The following MAP2 variants were observed in gnomAD, a reference collection of about 807,000 sequenced individuals.
MAP2 encodes the protein microtubule associated protein 2.
A neutral mutation model predicts 137.6 loss-of-function variants in MAP2; 14 were observed. The observed-to-expected ratio is 0.10, with a 90% confidence interval of 0.07 to 0.16. The LOEUF is 0.16. Ranked by LOEUF, MAP2 falls within the 10% of genes least tolerant of loss-of-function variation. MAP2 has a pLI of 1.00. For synonymous variants in MAP2, 786 were observed against 782.3 expected, an observed-to-expected ratio of 1.00 and a Z score of -0.08; for missense variants, 2,088 against 2,191.5, an observed-to-expected ratio of 0.95 and a Z score of 0.94.
intron 13 of MAP2, among the ~76,000 whole-genome samples, chr2:209,716,494 C>A (rs2067675348): frequency 6.6e-6 from 1 of 152,204 alleles, no homozygotes; most frequent in South Asian, 2.1e-4. Flanking sequence ...TGGCCCAACA[C>A]AAATTCATAA....
intron 1 of MAP2, among the ~76,000 whole-genome samples, chr2:209,486,225 T>C (rs181345274): frequency 7.5e-6 from 1 of 132,472 alleles, no homozygotes; most frequent in African/African-American, 2.5e-5. Context: ...TTCTATTTGC[T>C]TGGGAAATCT....
At chr2:209,574,439 A>ACG (rs2074971247) in intron 2 of MAP2, among the ~76,000 whole-genome samples, 1 of 151,162 alleles carries the variant, frequency 6.6e-6, no homozygotes, top group South Asian at 2.1e-4. Context: ...AGATACACAC[A>ACG]CACACACACA....
intron 2 of MAP2, among the ~76,000 whole-genome samples, chr2:209,566,796 A>G (rs1417315281): frequency 1.3e-5 from 2 of 152,072 alleles, no homozygotes; most frequent in African/African-American, 2.4e-5. Flanking sequence ...CTTTTAACTC[A>G]TGAGTGTCAG....
intron 12 of MAP2, among the ~76,000 whole-genome samples, chr2:209,707,560 T>C (rs74535383): frequency 6.6e-6 from 1 of 151,306 alleles, no homozygotes; most frequent in African/African-American, 2.4e-5. Flanking sequence ...CCATTGTCAT[T>C]GAGGAGTTGA....
At chr2:209,487,487 A>G (rs1576013021) in intron 1 of MAP2, among the ~76,000 whole-genome samples, 2 of 152,308 alleles carry the variant, frequency 1.3e-5, no homozygotes, top group East Asian at 1.9e-4. Context: ...AAGCACCCCA[A>G]TGTTAGACAC....
Position 209,471,905 on chromosome 2 carries a change from A to G in MAP2, c.-221-35687A>G, listed in dbSNP as rs76597055. 3.2e-4 allele frequency among the ~76,000 whole-genome samples: 49 copies of G among 152,166 alleles called. No individual in the cohort carries two copies. The East Asian group carries it at 7.9e-3, about 25-fold the overall frequency. The stretch of plus-strand genomic sequence containing the variant: ...TAAGGACATGAAAATGAGATATTGT[A>G]TTTTTGCTGCTGTGTTGAAAAGATA... On this transcript the variant is annotated intron_variant, in intron 1 of 15. Coordinates refer to ENST00000682079, the MANE Select transcript of MAP2 (RefSeq NM_001375505.1).
chr2:209,485,443 T>C (rs140337950), intron 1 of MAP2, among the ~76,000 whole-genome samples: 1 of 152,332 alleles, frequency 6.6e-6, no homozygotes, highest in Non-Finnish European at 1.5e-5. Context: ...AAACACTTTA[T>C]TGAATGAGGA....
intron 3 of MAP2, among the ~76,000 whole-genome samples, chr2:209,598,099 A>G (rs2081833832): frequency 6.6e-6 from 1 of 151,950 alleles, no homozygotes; most frequent in South Asian, 2.1e-4. Context: ...TCTGCCTCCC[A>G]GGTTCAAGTG....
intron 3 of MAP2, among the ~76,000 whole-genome samples, chr2:209,607,163 A>T (rs559772206): frequency 4.6e-5 from 7 of 152,338 alleles, no homozygotes; most frequent in African/African-American, 1.7e-4. Flanking sequence ...CTTGGGAACC[A>T]TATAACCATT....
At chr2:209,594,582 T>C (rs1187648940) in intron 3 of MAP2, among the ~76,000 whole-genome samples, 3 of 152,184 alleles carry the variant, frequency 2.0e-5, no homozygotes, top group Non-Finnish European at 4.4e-5. Context: ...AAATTTCTCC[T>C]AGGGTTACAC....
At chr2:209,707,025 G>C (rs946152705) in intron 12 of MAP2, among the ~76,000 whole-genome samples, 3 of 152,086 alleles carry the variant, frequency 2.0e-5, no homozygotes, top group Non-Finnish European at 4.4e-5. Context: ...CCAGGGAAGA[G>C]ACTTTAAATC....
chr2:209,560,405 A>T (rs2071743469), intron 2 of MAP2, among the ~76,000 whole-genome samples: 1 of 152,144 alleles, frequency 6.6e-6, no homozygotes, highest in Admixed American at 6.5e-5. Flanking sequence ...GCAAACATAT[A>T]ACTTCTTTTA....
At chr2:209,712,589 T>C (rs2065871347) in intron 13 of MAP2, among the ~76,000 whole-genome samples, 1 of 152,144 alleles carries the variant, frequency 6.6e-6, no homozygotes, top group Non-Finnish European at 1.5e-5. Flanking sequence ...ATAGATGGTA[T>C]AAATTCACTT....
chr2:209,461,068 G>C (rs940672570), intron 1 of MAP2, among the ~76,000 whole-genome samples: 2 of 151,984 alleles, frequency 1.3e-5, no homozygotes, highest in African/African-American at 4.8e-5. Context: ...AAACTTTGAA[G>C]ATATAAACTT....
intron 1 of MAP2, among the ~76,000 whole-genome samples, chr2:209,427,639 C>CT (rs765034278): frequency 1.3e-5 from 2 of 152,052 alleles, no homozygotes; most frequent in Non-Finnish European, 2.9e-5. Flanking sequence ...CAAATTTGGC[C>CT]TTTATTTTTC....
intron 2 of MAP2, among the ~76,000 whole-genome samples, chr2:209,547,996 A>G (rs1363578659): frequency 3.3e-5 from 5 of 152,264 alleles, no homozygotes; most frequent in African/African-American, 1.2e-4. Context: ...TCCTTTTCCC[A>G]TTTTTTAACT....
chr2:209,437,293 T>C (rs1574836770), intron 1 of MAP2, among the ~76,000 whole-genome samples: 1 of 151,766 alleles, frequency 6.6e-6, no homozygotes, highest in Admixed American at 6.6e-5. Flanking sequence ...GGTAGGAAGA[T>C]GCTAAGACCC....
chr2:209,585,307 G>A (rs759695930), intron 3 of MAP2, among the ~76,000 whole-genome samples: 8 of 150,198 alleles, frequency 5.3e-5, no homozygotes, highest in Non-Finnish European at 8.9e-5. Flanking sequence ...AGAAAACAAA[G>A]TTAAAACTCA....
rs539896630 is a variant in MAP2, at chr2:209,621,198, AAGAAAGAC to A, written c.-106-3839_-106-3832del. Among the ~76,000 whole-genome samples the A allele has an allele frequency of 1.4e-3, 213 of 151,784 alleles. 1 individual carries two copies. Among genetic ancestry groups the A allele is most frequent in the African/African-American group, 3.8e-3 (158 of 41,402 alleles). On this transcript the variant is annotated intron_variant, in intron 3 of 15. Transcript: ENST00000682079. ...AGCCTGGGCAACAAGGGTGAAACCA[AAGAAAGAC>A]AGAAAGACAGAAAGAAAGAATACAG...
Sources: gnomAD v4.1 joint callset for allele counts (sites outside exome capture counted in the v4.1 genomes callset) on GRCh38, gnomAD v4.1.1 for gene constraint, MANE v1.5 for transcripts, NCBI Gene and HGNC (gene_info 2026-07-23, HGNC 2026-07-21) for gene names.